Variants in KCNG1 observed in about 807,000 individuals in gnomAD.
KCNG1 encodes potassium voltage-gated channel modifier subfamily G member 1.
KCNG1 carries 17 observed loss-of-function variants against 32.4 expected under a neutral mutation model. That is an observed-to-expected ratio of 0.52 (90% CI 0.36 to 0.79). KCNG1 has a LOEUF of 0.79. Among genes scored for constraint, KCNG1 ranks in the 30% least tolerant of loss-of-function variants. The pLI is 0.00. For synonymous variants in KCNG1, 358 were observed against 339.9 expected, an observed-to-expected ratio of 1.05 and a Z score of -0.59; for missense variants, 441 against 735.2, an observed-to-expected ratio of 0.60 and a Z score of 4.63.
In KCNG1 at chr20:51,019,510, C is replaced by CA. The variant is rs1268455571; in HGVS notation, c.-27+3359dup. On this transcript the variant is annotated intron_variant, in intron 1 of 2. Coordinates refer to ENST00000371571, the MANE Select transcript of KCNG1 (RefSeq NM_002237.4). ...GGGTGATAGAGCAAGACCCTGTCTT[C>CA]AAAAATAATAATAATAATAATAATA... 1.2e-3 allele frequency among the ~76,000 whole-genome samples: 171 copies of CA among 147,076 alleles called. 3 individuals are homozygous for CA. Among genetic ancestry groups the CA allele is most frequent in the East Asian group, 4.6e-3 (23 of 4,986 alleles).
Position 51,004,401 on chromosome 20 carries a change from G to A in KCNG1, c.1180C>T (p.Leu394=). 4 of 1,612,518 alleles carry A rather than the reference G, an allele frequency of 2.5e-6. 1 individual carries two copies. Residue 394 remains leucine (L), a synonymous_variant, in exon 3 of 3, where the codon CTG becomes TTG. Transcript: ENST00000371571. This position sits in a 1 kb window ranked among gnomAD's most constrained non-coding sequence, Gnocchi z 4.3. ...ATCTCGTTCTCGATGACGTAGAGCAGGGGCGCGAAGAGGGCGATGGCCACG... is the reference window on the plus strand; with the variant it reads ...ATCTCGTTCTCGATGACGTAGAGCAAGGGCGCGAAGAGGGCGATGGCCACG... ...LCVAIALFAP[L]LYVIENEMAD...
chr20:51,018,583 CAA>C (rs1363622063), intron 1 of KCNG1, among the ~76,000 whole-genome samples: 1 of 152,172 alleles, frequency 6.6e-6, no homozygotes, highest in Non-Finnish European at 1.5e-5. Flanking sequence ...GCTAACTGCA[CAA>C]AGTGTTATAA....
intron 1 of KCNG1, 106 bp from the exon 2 acceptor site, chr20:51,010,470 C>G: frequency 1.2e-6 from 1 of 811,606 alleles, no homozygotes; most frequent in East Asian, 2.7e-5. Context: ...ATCTTTGTCC[C>G]CCACATCCAT....
At chr20:51,018,103 G>C (rs182886118) in intron 1 of KCNG1, among the ~76,000 whole-genome samples, 1 of 152,324 alleles carries the variant, frequency 6.6e-6, no homozygotes, top group African/African-American at 2.4e-5. Context: ...ACCACCCTGA[G>C]GTCAGCACAT....
rs1029147044 is a variant in KCNG1 at position 51,003,766 on chromosome 20, T to C, written c.*273A>G. On this transcript the variant is annotated 3_prime_UTR_variant, in exon 3 of 3. Coordinates refer to ENST00000371571, the MANE Select transcript of KCNG1 (RefSeq NM_002237.4). ...TGAAAAGAACAAGGCATCTCCTTAT[T>C]GAGGGAAACACACATAGGGGCTGGG... 1 of 352,024 alleles carries C rather than the reference T, an allele frequency of 2.8e-6. No individual in the cohort carries two copies. The highest frequency in any genetic ancestry group is 2.7e-5 in the African/African-American group (1 of 37,396). The allele number at this position is 352,024 out of a possible 1,614,324, so 21.8% of individuals were successfully genotyped here.
At position 51,010,084 on chromosome 20, in the gene KCNG1, C is replaced by T. The variant is rs780602872; in HGVS notation, c.255G>A (p.Pro85=). The change falls in exon 2 of 3, where the codon CCG becomes CCA. Residue 85 remains proline, a synonymous_variant. Coordinates refer to ENST00000371571, the MANE Select transcript of KCNG1 (RefSeq NM_002237.4). ...CCTTGAGCTGGCCCAGGCGCGTCAG[C>T]GGGAACTCGTCCAGCGTGGTCCAGG... ...SLPWTTLDEF[P]LTRLGQLKAC... is the part of the protein sequence containing the mutation. 1 of 1,613,972 alleles carries T rather than the reference C, an allele frequency of 6.2e-7. No homozygotes were observed. Among genetic ancestry groups the T allele is most frequent in the Admixed American group, 1.7e-5 (1 of 60,030 alleles).
In KCNG1 at chr20:51,004,544, C is replaced by A; in HGVS notation, c.1037G>T (p.Arg346Leu). The change falls in exon 3 of 3, where the codon CGG becomes CTG. Residue 346 changes from arginine (R) to leucine (L), a missense_variant. By Grantham distance (102) the Arg-to-Leu change is moderately radical (BLOSUM62 -2). This residue lies in a region of KCNG1 where 169 missense variants were observed against 297.7 expected (regional missense o/e 0.57). Coordinates refer to ENST00000371571, the MANE Select transcript of KCNG1 (RefSeq NM_002237.4). The surrounding 1 kb of genome is among the most constrained non-coding windows in gnomAD (Gnocchi z 4.3). ...CATCACGTACAGGATGCGCAGCGCCCGCAGCACGCGCAGCACCAGCCCCAC... is the reference window on the plus strand; with the variant it reads ...CATCACGTACAGGATGCGCAGCGCCAGCAGCACGCGCAGCACCAGCCCCAC... ...DKVGLVLRVLRALRILYVMRL... is the reference protein window; with the variant it reads ...DKVGLVLRVLLALRILYVMRL... 1 of 1,582,160 alleles carries A rather than the reference C, an allele frequency of 6.3e-7. No homozygotes were observed. The highest frequency in any genetic ancestry group is 8.6e-7 in the Non-Finnish European group (1 of 1,165,040).
intron 1 of KCNG1, among the ~76,000 whole-genome samples, chr20:51,010,756 A>G (rs1988054132): frequency 1.3e-5 from 2 of 152,124 alleles, no homozygotes; most frequent in Admixed American, 1.3e-4. Context: ...CTAGCCAGGC[A>G]TGGTGGCGTG....
intron 1 of KCNG1, 71 bp from the exon 2 acceptor site, chr20:51,010,435 GC>G: frequency 3.9e-6 from 4 of 1,020,158 alleles, no homozygotes; most frequent in African/African-American, 1.6e-5. Flanking sequence ...TGCAGATTCC[GC>G]AGATATTCAC....
chr20:51,015,372 A>C lies in KCNG1; in HGVS notation c.-26-5008T>G, dbSNP rs139145756. 7.3e-3 allele frequency among the ~76,000 whole-genome samples: 1,111 copies of C among 152,256 alleles called. 16 individuals carry two copies. Among genetic ancestry groups the C allele is most frequent in the African/African-American group, 0.024 (1,003 of 41,526 alleles). ...CTGGCTGTGGGATTATGGACAGAAG[A>C]AGCAGCTGGCAAAATCCAGGAGAGA... On this transcript the variant is annotated intron_variant, in intron 1 of 2. Coordinates refer to ENST00000371571, the MANE Select transcript of KCNG1 (RefSeq NM_002237.4). The surrounding 1 kb of genome is among the most constrained non-coding windows in gnomAD (Gnocchi z 4.4).
chr20:51,006,134 C>G (rs1987820979), intron 2 of KCNG1: 1 of 152,188 alleles, frequency 6.6e-6, no homozygotes, highest in African/African-American at 2.4e-5. Flanking sequence ...AAGACTTGTC[C>G]TGGTCACCCT....
chr20:51,020,445 G>C (rs1251876829), intron 1 of KCNG1, among the ~76,000 whole-genome samples: 1 of 152,130 alleles, frequency 6.6e-6, no homozygotes, highest in Non-Finnish European at 1.5e-5. Flanking sequence ...ACAGTCTTAG[G>C]CACAATTCAG....
At chr20:51,021,439 C>T (rs989572036) in intron 1 of KCNG1, among the ~76,000 whole-genome samples, 3 of 152,238 alleles carry the variant, frequency 2.0e-5, no homozygotes, top group Non-Finnish European at 4.4e-5. Context: ...AGGCCCCAAT[C>T]AGCAGTGCCA....
At chr20:51,022,796 C>G (rs1988529697) in intron 1 of KCNG1, 74 bp downstream of exon 1, 2 of 152,262 alleles carry the variant, frequency 1.3e-5, no homozygotes, top group Non-Finnish European at 2.9e-5. Flanking sequence ...GCCCCCGAGC[C>G]CGAGTTTGCA....
chr20:51,013,772 C>A (rs1243266798), intron 1 of KCNG1: 1 of 152,220 alleles, frequency 6.6e-6, no homozygotes, highest in Non-Finnish European at 1.5e-5. Context: ...TGCCAGGATC[C>A]TTTGGAGGCG....
In KCNG1 at chr20:51,009,952, G is replaced by C; in HGVS notation, c.387C>G (p.Thr129=). The C allele has an allele frequency of 6.2e-7, 1 of 1,613,918 alleles. No individual in the cohort carries two copies. Among genetic ancestry groups the C allele is most frequent in the Non-Finnish European group, 8.5e-7 (1 of 1,179,964 alleles). ...RNPGAFGTIL[T]FLRAGKLRLL... ...GCCGCAGCTTGCCCGCGCGCAGGAA[G>C]GTCAGGATAGTGCCGAAGGCCCCCG... The change falls in exon 2 of 3, where the codon ACC becomes ACG. Residue 129 remains threonine (T), a synonymous_variant. Coordinates refer to ENST00000371571, the MANE Select transcript of KCNG1 (RefSeq NM_002237.4).
At chr20:51,022,278 T>C (rs532585965) in intron 1 of KCNG1, among the ~76,000 whole-genome samples, 19 of 152,300 alleles carry the variant, frequency 1.2e-4, no homozygotes, top group African/African-American at 4.6e-4. Flanking sequence ...TGAGCCTCTC[T>C]CCCACATGGA....
Position 51,010,183 on chromosome 20 carries a change from G to C in KCNG1, c.156C>G (p.Pro52=). Residue 52 remains proline, a synonymous_variant, in exon 2 of 3, where the codon CCC becomes CCG. Transcript: ENST00000371571. The part of the protein sequence containing the change: ...RAQRLRPQDE[P]RQGCQPEDRR... ...GGTCCTCGGGCTGACAGCCCTGGCG[G>C]GGCTCATCCTGCGGCCGCAGCCGCT... 6.2e-7 allele frequency: 1 copy of C among 1,601,484 alleles called. No individual in the cohort carries two copies. Among genetic ancestry groups the C allele is most frequent in the African/African-American group, 1.3e-5 (1 of 74,778 alleles).
At chr20:51,014,768 T>C (rs890746995) in intron 1 of KCNG1, among the ~76,000 whole-genome samples, 10 of 151,832 alleles carry the variant, frequency 6.6e-5, no homozygotes, top group African/African-American at 2.4e-4. Flanking sequence ...AGGTGAGAGA[T>C]GGAGAATGAC....
Sources: allele counts gnomAD v4.1 joint callset (sites outside exome capture counted in the v4.1 genomes callset), GRCh38; gene constraint gnomAD v4.1.1; regional missense constraint gnomAD v4.1.1; non-coding constraint Gnocchi (gnomAD v3.1); transcripts MANE v1.5; gene names NCBI Gene and HGNC (gene_info 2026-07-23, HGNC 2026-07-21).